The following PCDH15 variants were observed in gnomAD, a reference collection of about 807,000 sequenced individuals.
PCDH15 encodes the protein protocadherin related 15.
A neutral mutation model predicts 178.5 loss-of-function variants in PCDH15; 129 were observed. The observed-to-expected ratio is 0.72, with a 90% CI of 0.63 to 0.84. The LOEUF is 0.84. Among genes scored for constraint, PCDH15 ranks in the 40% least tolerant of loss-of-function variants. The pLI is 0.00. For missense variants in PCDH15, 2,230 were observed against 2,099.9 expected, an observed-to-expected ratio of 1.06 and a Z score of -1.21; for synonymous variants, 800 against 732.0, an observed-to-expected ratio of 1.09 and a Z score of -1.50.
chr10:54,114,698 A>G (rs1183592734), intron 15 of PCDH15, among the ~76,000 whole-genome samples: 1 of 152,166 alleles, frequency 6.6e-6, no homozygotes, highest in African/African-American at 2.4e-5. Flanking sequence ...AGACCACTTC[A>G]CTCCAAGGAA....
intron 2 of PCDH15, among the ~76,000 whole-genome samples, chr10:55,605,096 C>G (rs1222110491): frequency 2.7e-5 from 4 of 150,920 alleles, no homozygotes; most frequent in African/African-American, 9.7e-5. Context: ...TACAAACTAC[C>G]ATCAGAGAAT....
chr10:55,330,299 G>A (rs561047137), intron 2 of PCDH15, among the ~76,000 whole-genome samples: 14 of 151,642 alleles, frequency 9.2e-5, no homozygotes, highest in East Asian at 5.8e-4. Context: ...TATTTGCCTC[G>A]CTTTTGACAG....
chr10:54,996,459 A>G (rs1484370056), intron 2 of PCDH15, among the ~76,000 whole-genome samples: 3 of 152,064 alleles, frequency 2.0e-5, no homozygotes, highest in Non-Finnish European at 4.4e-5. Flanking sequence ...GTTGCTCAGT[A>G]TGTGGATTGT....
intron 27 of PCDH15, among the ~76,000 whole-genome samples, chr10:53,864,059 G>C (rs1218561659): frequency 6.6e-6 from 1 of 152,168 alleles, no homozygotes; most frequent in Non-Finnish European, 1.5e-5. Flanking sequence ...AGGCAAAATA[G>C]AGTGATTACT....
At chr10:53,920,529 A>C (rs1435180260) in intron 25 of PCDH15, among the ~76,000 whole-genome samples, 1 of 152,046 alleles carries the variant, frequency 6.6e-6, no homozygotes, top group Non-Finnish European at 1.5e-5. Flanking sequence ...TATTGTATAT[A>C]ATGATAAGTA....
intron 12 of PCDH15, among the ~76,000 whole-genome samples, chr10:54,184,229 CTT>C (rs2048274349): frequency 6.6e-6 from 1 of 152,116 alleles, no homozygotes; most frequent in Admixed American, 6.6e-5. Flanking sequence ...TTGTATCTAA[CTT>C]TTAACAATCA....
At chr10:54,632,378 G>C (rs2093727412) in intron 2 of PCDH15, among the ~76,000 whole-genome samples, 2 of 152,030 alleles carry the variant, frequency 1.3e-5, no homozygotes, top group Admixed American at 1.3e-4. Flanking sequence ...CCAAAACTCA[G>C]TGTCACACAA....
intron 1 of PCDH15, among the ~76,000 whole-genome samples, chr10:55,218,025 A>G (rs762780960): frequency 6.6e-6 from 1 of 151,986 alleles, no homozygotes; most frequent in Non-Finnish European, 1.5e-5. Flanking sequence ...CTCTCTTTTT[A>G]GGAAGAGTTC....
At chr10:55,481,964 A>G (rs1252714286) in intron 2 of PCDH15, among the ~76,000 whole-genome samples, 1 of 151,804 alleles carries the variant, frequency 6.6e-6, no homozygotes, top group East Asian at 1.9e-4. Flanking sequence ...GTGGTAGTCT[A>G]TGTATCTTTG....
chr10:54,051,338 C>G (rs545234294), intron 18 of PCDH15, among the ~76,000 whole-genome samples: 1 of 152,254 alleles, frequency 6.6e-6, no homozygotes, highest in East Asian at 1.9e-4. Flanking sequence ...GCTAGGAAGA[C>G]AGAAAGAAGT....
At chr10:53,994,110 A>G (rs1453818530) in intron 21 of PCDH15, among the ~76,000 whole-genome samples, 1 of 152,210 alleles carries the variant, frequency 6.6e-6, no homozygotes, top group African/African-American at 2.4e-5. Context: ...TATCTTCTTT[A>G]TAGAACAGAC....
At chr10:55,315,375 C>T (rs991966827) in intron 1 of PCDH15, among the ~76,000 whole-genome samples, 3 of 152,030 alleles carry the variant, frequency 2.0e-5, no homozygotes, top group Non-Finnish European at 2.9e-5. Context: ...TTAAAATATA[C>T]TAGAGTTTAA....
At chr10:55,440,931 G>A (rs746790562) in intron 2 of PCDH15, among the ~76,000 whole-genome samples, 6 of 152,118 alleles carry the variant, frequency 3.9e-5, no homozygotes, top group African/African-American at 7.2e-5. Context: ...TAGATCTGAT[G>A]AGACTTATTG....
chr10:54,009,650 A>G (rs2660147), intron 20 of PCDH15, among the ~76,000 whole-genome samples: 14,005 of 152,214 alleles, frequency 0.092, 1,118 homozygotes, highest in African/African-American at 0.21. Context: ...CATAACACAT[A>G]GAGAACAGAG....
intron 1 of PCDH15, among the ~76,000 whole-genome samples, chr10:55,232,099 C>T (rs772921219): frequency 1.1e-4 from 16 of 151,846 alleles, no homozygotes; most frequent in Non-Finnish European, 1.0e-4. Flanking sequence ...CTATTTGACC[C>T]TATTCCATAT....
At chr10:54,438,029 G>T (rs1018042548) in intron 3 of PCDH15, among the ~76,000 whole-genome samples, 1 of 151,950 alleles carries the variant, frequency 6.6e-6, no homozygotes, top group Non-Finnish European at 1.5e-5. Flanking sequence ...TCTATTTTTG[G>T]TAAATTTGAC....
At chr10:54,806,339 A>T (rs1470214660) in intron 3 of PCDH15, among the ~76,000 whole-genome samples, 1 of 152,156 alleles carries the variant, frequency 6.6e-6, no homozygotes, top group Admixed American at 6.5e-5. Context: ...AGTGTGAGTC[A>T]GAGGTCCAGA....
At position 54,807,254 on chromosome 10, in the gene PCDH15, A is replaced by T. The variant is rs1456686269; in HGVS notation, c.-29+90196T>A. ...AAACATACTTTCAATAGGTTTAAAA[A>T]TCGTATAGAACATTTTATATGTAAA... On this transcript the variant is annotated intron_variant, in intron 3 of 5. Coordinates refer to the PCDH15 transcript ENST00000458638. 3.9e-5 allele frequency among the ~76,000 whole-genome samples: 6 copies of T among 152,336 alleles called. No individual in the cohort carries two copies. The East Asian group carries it at 9.6e-4, about 24-fold the overall frequency.
intron 2 of PCDH15, among the ~76,000 whole-genome samples, chr10:55,572,352 CT>C (rs1301711916): frequency 2.0e-5 from 3 of 151,496 alleles, no homozygotes; most frequent in Non-Finnish European, 4.4e-5. Context: ...CTCCTTCACA[CT>C]TGTTTTTAGT....
Sources: allele counts gnomAD v4.1 joint callset (sites outside exome capture counted in the v4.1 genomes callset), GRCh38; gene constraint gnomAD v4.1.1; transcripts MANE v1.5; gene names NCBI Gene and HGNC (gene_info 2026-07-23, HGNC 2026-07-21).